DOK5: variants seen among roughly 807,000 people sequenced by gnomAD.
DOK5 encodes docking protein 5, also known as downstream of tyrosine kinase 5.
A neutral mutation model predicts 43.3 loss-of-function variants in DOK5; 27 were observed. The ratio of observed to expected loss-of-function variants is 0.62; its 90% CI spans 0.46 to 0.86. DOK5 has a LOEUF of 0.86. DOK5 is among the 40% of genes least tolerant of loss of function. The pLI is 0.00. For missense variants in DOK5, 373 were observed against 392.9 expected, an observed-to-expected ratio of 0.95 and a Z score of 0.43; for synonymous variants, 146 against 140.1, an observed-to-expected ratio of 1.04 and a Z score of -0.30.
At chr20:54,551,601 C>T (rs1010073093) in intron 1 of DOK5, among the ~76,000 whole-genome samples, 4 of 152,104 alleles carry the variant, frequency 2.6e-5, no homozygotes, top group South Asian at 2.1e-4. Flanking sequence ...TTTAAGTCGA[C>T]GATTTTTCCA....
At chr20:54,643,988 G>C (rs1979252034) in intron 7 of DOK5, among the ~76,000 whole-genome samples, 1 of 152,122 alleles carries the variant, frequency 6.6e-6, no homozygotes, top group Non-Finnish European at 1.5e-5. Flanking sequence ...TTGAAGTCTT[G>C]CTAGAAATGC....
chr20:54,479,864 T>C (rs886246915), intron 1 of DOK5, among the ~76,000 whole-genome samples: 2 of 152,086 alleles, frequency 1.3e-5, no homozygotes, highest in Non-Finnish European at 2.9e-5. Flanking sequence ...CAAGCGAACC[T>C]TGGTGTCATT....
At chr20:54,645,095 C>T (rs1010698496) in intron 7 of DOK5, among the ~76,000 whole-genome samples, 4 of 145,530 alleles carry the variant, frequency 2.7e-5, no homozygotes, top group Non-Finnish European at 4.5e-5. Flanking sequence ...GCAAGTTCCG[C>T]GCAAAAAAAC....
intron 1 of DOK5, among the ~76,000 whole-genome samples, chr20:54,479,881 T>C (rs1342979223): frequency 6.6e-6 from 1 of 152,066 alleles, no homozygotes; most frequent in East Asian, 1.9e-4. Flanking sequence ...CATTTCACTC[T>C]TCTCCCCTCA....
At chr20:54,534,045 C>CA (rs899834833) in intron 1 of DOK5, among the ~76,000 whole-genome samples, 1 of 151,960 alleles carries the variant, frequency 6.6e-6, no homozygotes, top group Non-Finnish European at 1.5e-5. Flanking sequence ...AGAATGAATT[C>CA]AAAAAGAAAA....
At chr20:54,509,294 G>A (rs542244776) in intron 1 of DOK5, among the ~76,000 whole-genome samples, 3 of 152,278 alleles carry the variant, frequency 2.0e-5, no homozygotes, top group Non-Finnish European at 2.9e-5. Flanking sequence ...GGGCTCCAGC[G>A]ATTTTCCCAT....
intron 1 of DOK5, among the ~76,000 whole-genome samples, chr20:54,537,271 G>T (rs1187682751): frequency 6.6e-6 from 1 of 152,166 alleles, no homozygotes; most frequent in Non-Finnish European, 1.5e-5. Flanking sequence ...TGTTGAAAGA[G>T]ATTTATTTAA....
intron 7 of DOK5, among the ~76,000 whole-genome samples, chr20:54,644,723 A>AAAAAAAAC (rs1555839841): frequency 1.3e-4 from 18 of 142,460 alleles, no homozygotes; most frequent in African/African-American, 4.6e-4. Context: ...AAAAAAAAAA[A>AAAAAAAAC]ACAAAATTTA....
chr20:54,499,555 C>G (rs1056780010), intron 1 of DOK5, among the ~76,000 whole-genome samples: 4 of 152,146 alleles, frequency 2.6e-5, no homozygotes, highest in Admixed American at 2.6e-4. Context: ...AGTTATTGTA[C>G]TGCTATGCAG....
chr20:54,583,913 C>A (rs1985716097), intron 2 of DOK5, among the ~76,000 whole-genome samples: 1 of 151,542 alleles, frequency 6.6e-6, no homozygotes, highest in Non-Finnish European at 1.5e-5. Context: ...GTAATCCTAG[C>A]ACTTTGGGAG....
intron 2 of DOK5, among the ~76,000 whole-genome samples, chr20:54,564,404 C>T (rs1036724352): frequency 6.6e-6 from 1 of 152,128 alleles, no homozygotes; most frequent in African/African-American, 2.4e-5. Flanking sequence ...GCATTCCAGC[C>T]TCGGCGACAA....
intron 1 of DOK5, among the ~76,000 whole-genome samples, chr20:54,540,881 A>G (rs1008615806): frequency 5.4e-5 from 8 of 148,700 alleles, no homozygotes; most frequent in African/African-American, 2.1e-4. Flanking sequence ...AGGGAAGATA[A>G]TATTATTGTG....
chr20:54,557,304 T>A (rs116797461), intron 2 of DOK5, among the ~76,000 whole-genome samples: 11 of 152,324 alleles, frequency 7.2e-5, no homozygotes, highest in African/African-American at 2.6e-4. Context: ...GGTTTCGGGA[T>A]GAAACTGTTC....
rs1001598650 is a variant in DOK5 at position 54,523,063 on chromosome 20, G to A, written c.67-31870G>A. Among the ~76,000 whole-genome samples, 41 of 152,224 alleles carry A rather than the reference G, an allele frequency of 2.7e-4. 1 individual carries two copies. Among genetic ancestry groups the A allele is most frequent in the African/African-American group, 9.9e-4 (41 of 41,568 alleles). On this transcript the variant is annotated intron_variant, in intron 1 of 7. Transcript: ENST00000262593. The stretch of plus-strand genomic sequence containing the variant: ...ACATAATAGGTGCTCAAAAATATTT[G>A]CTGAATGAATGAATGATAGCTACAA...
chr20:54,536,105 G>C lies in DOK5; in HGVS notation c.67-18828G>C, dbSNP rs374649459. On this transcript the variant is annotated intron_variant, in intron 1 of 7. Transcript: ENST00000262593. ...AAGTGATTCAGATAAAATATAGTGT[G>C]TTTTTATATTCTAAAGACCAAGGCA... Among the ~76,000 whole-genome samples the C allele has an allele frequency of 1.1e-4, 17 of 152,168 alleles. No homozygotes were observed. In the East Asian group the frequency reaches 1.9e-3, roughly 17 times the overall value.
At chr20:54,607,782 C>G (rs1986516354) in intron 5 of DOK5, among the ~76,000 whole-genome samples, 1 of 152,074 alleles carries the variant, frequency 6.6e-6, no homozygotes, top group Admixed American at 6.6e-5. Flanking sequence ...ACTCATGAGG[C>G]TGAGGCAGAA....
At chr20:54,560,617 G>A (rs1238463462) in intron 2 of DOK5, among the ~76,000 whole-genome samples, 1 of 152,086 alleles carries the variant, frequency 6.6e-6, no homozygotes, top group Non-Finnish European at 1.5e-5. Context: ...ACCCAAGCTT[G>A]GTTTCTTTCT....
intron 2 of DOK5, among the ~76,000 whole-genome samples, chr20:54,561,790 G>A (rs1348425060): frequency 6.6e-6 from 1 of 152,158 alleles, no homozygotes; most frequent in Non-Finnish European, 1.5e-5. Flanking sequence ...CCAAGTAGCT[G>A]GGATTATAGG....
chr20:54,521,620 C>T (rs2146696964), intron 1 of DOK5, among the ~76,000 whole-genome samples: 1 of 152,316 alleles, frequency 6.6e-6, no homozygotes, highest in East Asian at 1.9e-4. Context: ...GTGTGTTCAC[C>T]AGTCTGGAAG....
Sources: gnomAD v4.1 joint callset for allele counts (sites outside exome capture counted in the v4.1 genomes callset) on GRCh38, gnomAD v4.1.1 for gene constraint, MANE v1.5 for transcripts, NCBI Gene and HGNC (gene_info 2026-07-23, HGNC 2026-07-21) for gene names.